The following PRKG1 variants were observed in gnomAD, a reference collection of about 807,000 sequenced individuals.
The protein encoded by PRKG1 is protein kinase cGMP-dependent 1, also known as cGMP-dependent protein kinase 1.
Under a neutral mutation model 88.1 loss-of-function variants are expected in PRKG1, and 35 were observed. That is an observed-to-expected ratio of 0.40 (90% CI 0.30 to 0.53). PRKG1 has a LOEUF of 0.53. Ranked by LOEUF, PRKG1 falls within the 20% of genes least tolerant of loss-of-function variation. PRKG1 has a pLI of 0.59. For missense variants in PRKG1, 540 were observed against 839.8 expected, an observed-to-expected ratio of 0.64 and a Z score of 4.41; for synonymous variants, 303 against 292.5, an observed-to-expected ratio of 1.04 and a Z score of -0.37.
At chr10:51,063,918 T>G (rs1843720248) in intron 1 of PRKG1, among the ~76,000 whole-genome samples, 1 of 152,112 alleles carries the variant, frequency 6.6e-6, no homozygotes, top group Non-Finnish European at 1.5e-5. Context: ...GGCTGAGAGA[T>G]AAATTTGAAG....
At chr10:51,622,385 T>C (rs753084452) in intron 3 of PRKG1, among the ~76,000 whole-genome samples, 2 of 152,210 alleles carry the variant, frequency 1.3e-5, no homozygotes, top group Non-Finnish European at 1.5e-5. Context: ...TAGTGAATCA[T>C]GATCAAATAT....
intron 3 of PRKG1, chr10:51,699,554 C>T (rs780056509): frequency 3.1e-6 from 5 of 1,605,322 alleles, no homozygotes; most frequent in Non-Finnish European, 3.4e-6. Context: ...CGACATGATT[C>T]CGGTTGTGCA....
intron 2 of PRKG1, among the ~76,000 whole-genome samples, chr10:51,217,253 A>G (rs1838396796): frequency 6.6e-6 from 1 of 152,202 alleles, no homozygotes; most frequent in African/African-American, 2.4e-5. Flanking sequence ...CTCTGAGTTT[A>G]CATGAGAGAA....
chr10:51,834,351 G>A (rs1840073904), intron 4 of PRKG1, among the ~76,000 whole-genome samples: 1 of 152,026 alleles, frequency 6.6e-6, no homozygotes, highest in Non-Finnish European at 1.5e-5. Context: ...TTGAAAGTAA[G>A]GGAGGGGGGC....
intron 4 of PRKG1, among the ~76,000 whole-genome samples, chr10:51,859,799 C>T (rs1401128797): frequency 6.6e-6 from 1 of 152,088 alleles, no homozygotes; most frequent in African/African-American, 2.4e-5. Flanking sequence ...TTTAACATTC[C>T]ACACTAGTTT....
At chr10:51,440,422 T>G (rs1228698394) in intron 2 of PRKG1, among the ~76,000 whole-genome samples, 1 of 151,888 alleles carries the variant, frequency 6.6e-6, no homozygotes, top group Non-Finnish European at 1.5e-5. Flanking sequence ...CACTAGAATT[T>G]TTTCAGATCG....
At chr10:51,074,381 G>T, upstream of PRKG1, 1 of 1,322,340 alleles carries the variant, frequency 7.6e-7, no homozygotes, top group Non-Finnish European at 1.0e-6. Flanking sequence ...CTCACAGCCA[G>T]CCCAGAGAAG....
At chr10:52,021,406 T>C (rs1394027193) in intron 5 of PRKG1, among the ~76,000 whole-genome samples, 1 of 152,186 alleles carries the variant, frequency 6.6e-6, no homozygotes, top group African/African-American at 2.4e-5. Flanking sequence ...ACATGCTGGA[T>C]TCTCAGAAAA....
intron 4 of PRKG1, among the ~76,000 whole-genome samples, chr10:51,825,899 T>G (rs1052422070): frequency 6.6e-6 from 1 of 152,142 alleles, no homozygotes; most frequent in Non-Finnish European, 1.5e-5. Context: ...GTCTGGCCTT[T>G]GTCTATGATT....
At chr10:51,396,225 A>AAAAAG (rs770900055) in intron 2 of PRKG1, among the ~76,000 whole-genome samples, 10 of 152,194 alleles carry the variant, frequency 6.6e-5, no homozygotes, top group East Asian at 5.8e-4. Context: ...ATCTCTATCA[A>AAAAAG]AAAAGAAAAG....
chr10:51,458,933 C>T (rs1839665916), intron 2 of PRKG1, among the ~76,000 whole-genome samples: 1 of 152,032 alleles, frequency 6.6e-6, no homozygotes, highest in Admixed American at 6.6e-5. Context: ...TGTCATGGAA[C>T]CAATCCCCAG....
At chr10:51,712,314 C>T (rs1268122663) in intron 3 of PRKG1, among the ~76,000 whole-genome samples, 1 of 152,094 alleles carries the variant, frequency 6.6e-6, no homozygotes, top group Non-Finnish European at 1.5e-5. Flanking sequence ...ATCAGAAAGT[C>T]CTTACTAGAT....
At chr10:51,697,088 G>C (rs975487445) in intron 3 of PRKG1, 1 of 152,108 alleles carries the variant, frequency 6.6e-6, no homozygotes, top group South Asian at 2.1e-4. Context: ...TGCACTCCTT[G>C]ATTTTTCAGG....
At chr10:51,333,683 G>T (rs984189786) in intron 2 of PRKG1, among the ~76,000 whole-genome samples, 3 of 152,164 alleles carry the variant, frequency 2.0e-5, no homozygotes, top group African/African-American at 7.2e-5. Context: ...TAGTACTGAA[G>T]TGCAAGGCAG....
chr10:51,389,441 T>C (rs1837340358), intron 2 of PRKG1, among the ~76,000 whole-genome samples: 2 of 152,166 alleles, frequency 1.3e-5, no homozygotes, highest in Admixed American at 1.3e-4. Context: ...GTACTAGAAT[T>C]ACTTAACTAA....
intron 2 of PRKG1, among the ~76,000 whole-genome samples, chr10:51,462,459 A>G (rs1839771298): frequency 6.6e-6 from 1 of 152,164 alleles, no homozygotes. Flanking sequence ...TCCATTATTT[A>G]TAGGGCCTTA....
chr10:51,309,434 G>A (rs1302013789), intron 2 of PRKG1, among the ~76,000 whole-genome samples: 2 of 151,998 alleles, frequency 1.3e-5, no homozygotes, highest in African/African-American at 4.8e-5. Context: ...GTGGACAAAG[G>A]ACATGAATAT....
intron 9 of PRKG1, among the ~76,000 whole-genome samples, chr10:52,243,517 A>AT (rs1840921333): frequency 6.6e-6 from 1 of 152,142 alleles, no homozygotes; most frequent in African/African-American, 2.4e-5. Context: ...AGATTTTGAG[A>AT]TAAAAACATC....
At chr10:52,069,969 A>G (rs992251038) in intron 7 of PRKG1, among the ~76,000 whole-genome samples, 2 of 152,054 alleles carry the variant, frequency 1.3e-5, no homozygotes, top group African/African-American at 4.8e-5. Context: ...ATATGTTAAT[A>G]TGTATATTTA....
Sources: gnomAD v4.1 joint callset for allele counts (sites outside exome capture counted in the v4.1 genomes callset) on GRCh38, gnomAD v4.1.1 for gene constraint, MANE v1.5 for transcripts, NCBI Gene and HGNC (gene_info 2026-07-23, HGNC 2026-07-21) for gene names.